The following STX7 variants were observed in gnomAD, a reference collection of about 807,000 sequenced individuals.
STX7 encodes syntaxin-7.
In STX7, 34 loss-of-function variants were observed where a neutral mutation model predicts 39.6. The ratio of observed to expected loss-of-function variants is 0.86; its 90% CI spans 0.65 to 1.14. The LOEUF is 1.14. Ranked by LOEUF, STX7 falls within the 50% of genes most tolerant of loss-of-function variation. The probability of loss-of-function intolerance (pLI) is 0.00; values close to 1 mark genes in which losing one functional copy is unlikely to be tolerated. For synonymous variants in STX7, 119 were observed against 99.1 expected, an observed-to-expected ratio of 1.20 and a Z score of -1.19; for missense variants, 284 against 310.4, an observed-to-expected ratio of 0.92 and a Z score of 0.64.
intron 9 of STX7, among the ~76,000 whole-genome samples, chr6:132,462,671 G>A (rs1009150897): frequency 5.9e-5 from 9 of 151,418 alleles, no homozygotes; most frequent in African/African-American, 2.2e-4. Flanking sequence ...CAGTGATATA[G>A]TGATATTAAT....
chr6:132,452,540 C>T lies in STX7; in HGVS notation c.*8218G>A, dbSNP rs1185930979. On this transcript the variant is annotated 3_prime_UTR_variant, in exon 10 of 10. Coordinates refer to ENST00000367941, the MANE Select transcript of STX7 (RefSeq NM_003569.3). ...AATGAGTAAGTGGGCTCAATAAGGT[C>T]TCAGTATACAAAATAGAAAAATTCA... 2.6e-5 allele frequency: 4 copies of T among 152,034 alleles called. No homozygotes were observed. The East Asian group carries it at 7.7e-4, about 29-fold the overall frequency. The allele number at this position is 152,034 out of a possible 1,614,324, so 9.4% of individuals were successfully genotyped here. A position where few individuals can be genotyped will look rare whatever the true frequency, so the allele number is the denominator to read the frequency against.
intron 5 of STX7, among the ~76,000 whole-genome samples, chr6:132,471,117 A>G (rs1774707655): frequency 1.3e-5 from 2 of 152,198 alleles, no homozygotes; most frequent in South Asian, 2.1e-4. Flanking sequence ...CCAGGAGGAA[A>G]GTGCTTTCTA....
intron 2 of STX7, among the ~76,000 whole-genome samples, chr6:132,487,451 G>A (rs1380677218): frequency 6.6e-6 from 1 of 152,070 alleles, no homozygotes; most frequent in Non-Finnish European, 1.5e-5. Flanking sequence ...CACAGGGAGG[G>A]GAACATCACA....
At position 132,449,417 on chromosome 6, in the gene STX7, C is replaced by T. The variant is rs1236892128; in HGVS notation, c.*11341G>A. On this transcript the variant is annotated 3_prime_UTR_variant, in exon 10 of 10. Coordinates refer to ENST00000367941, the MANE Select transcript of STX7 (RefSeq NM_003569.3). Reference sequence around the variant, plus strand: ...AAATGCTGTGATTACAGGCATAAGCCACCATACCAGGTCCCAGGCTTTTCT... The same window carrying T: ...AAATGCTGTGATTACAGGCATAAGCTACCATACCAGGTCCCAGGCTTTTCT... 6.6e-6 allele frequency: 1 copy of T among 152,164 alleles called. No homozygotes were observed. The highest frequency in any genetic ancestry group is 1.5e-5 in the Non-Finnish European group (1 of 68,034). 9.4% of individuals were successfully genotyped at this position (152,164 alleles called of 1,614,324 possible). A position where few individuals can be genotyped will look rare whatever the true frequency, so the allele number is the denominator to read the frequency against.
At chr6:132,492,355 ATT>A (rs1775312567) in intron 2 of STX7, among the ~76,000 whole-genome samples, 1 of 152,110 alleles carries the variant, frequency 6.6e-6, no homozygotes, top group Non-Finnish European at 1.5e-5. Flanking sequence ...TGTTTTTGTC[ATT>A]GTTTCTTTTT....
At chr6:132,486,178 C>A (rs953883762) in intron 2 of STX7, among the ~76,000 whole-genome samples, 10 of 151,766 alleles carry the variant, frequency 6.6e-5, no homozygotes, top group Non-Finnish European at 1.5e-4. Context: ...TCTTTTTTTC[C>A]TAATGTGAAG....
In STX7 at chr6:132,456,883, T is replaced by C. The variant is rs753707704; in HGVS notation, c.*3875A>G. 2 of 152,272 alleles carry C rather than the reference T, an allele frequency of 1.3e-5. No individual in the cohort carries two copies. The highest frequency in any genetic ancestry group is 2.9e-5 in the Non-Finnish European group (2 of 68,060). The allele number at this position is 152,272 out of a possible 1,614,324, so 9.4% of individuals were successfully genotyped here. A position where few individuals can be genotyped will look rare whatever the true frequency, so the allele number is the denominator to read the frequency against. On this transcript the variant is annotated 3_prime_UTR_variant, in exon 10 of 10. Coordinates refer to ENST00000367941, the MANE Select transcript of STX7 (RefSeq NM_003569.3). ...CTGGTTCTAAGTTGAGAGTTGACCATGAGAAAAGGAGAGACCATCTTTCCT... is the reference window on the plus strand; with the variant it reads ...CTGGTTCTAAGTTGAGAGTTGACCACGAGAAAAGGAGAGACCATCTTTCCT...
At chr6:132,506,618 A>AG (rs1775711404) in intron 1 of STX7, among the ~76,000 whole-genome samples, 2 of 152,200 alleles carry the variant, frequency 1.3e-5, no homozygotes, top group African/African-American at 4.8e-5. Context: ...CGGAAAAAAA[A>AG]GAAAAAAAGT....
chr6:132,483,523 AC>A (rs1212007303), intron 2 of STX7, among the ~76,000 whole-genome samples: 1 of 152,162 alleles, frequency 6.6e-6, no homozygotes, highest in Non-Finnish European at 1.5e-5. Context: ...TATGCTATTC[AC>A]CCATCATAGG....
At chr6:132,477,595 A>T (rs1774905401) in intron 2 of STX7, among the ~76,000 whole-genome samples, 2 of 152,186 alleles carry the variant, frequency 1.3e-5, no homozygotes. Context: ...AAATGTTTTT[A>T]TTATATGATC....
chr6:132,460,805 T>A lies in STX7; in HGVS notation c.739A>T (p.Ile247Phe). 6.2e-7 allele frequency: 1 copy of A among 1,613,662 alleles called. No individual in the cohort carries two copies. Among genetic ancestry groups the A allele is most frequent in the Non-Finnish European group, 8.5e-7 (1 of 1,179,794 alleles). ...TLCIIILILV[I>F]GVAIISLIIW... Reference sequence around the variant, plus strand: ...ATGAGACTGATAATCGCAACTCCAATGACAAGGATAAGAATGATGATGCAC... The same window carrying A: ...ATGAGACTGATAATCGCAACTCCAAAGACAAGGATAAGAATGATGATGCAC... Residue 247 changes from isoleucine to phenylalanine, a missense_variant, in exon 10 of 10, where the codon ATT becomes TTT. Ile to Phe is a conservative substitution (Grantham distance 21). Transcript: ENST00000367941.
rs991827654 is a variant in STX7, at chr6:132,456,737, A to G, written c.*4021T>C. ...GAGGCTTCCACTTCACGTGGTTTGA[A>G]CTGTACATCTCAGTGTTTGTTTCAC... On this transcript the variant is annotated 3_prime_UTR_variant, in exon 10 of 10. Coordinates refer to ENST00000367941, the MANE Select transcript of STX7 (RefSeq NM_003569.3). 1 of 152,228 alleles carries G rather than the reference A, an allele frequency of 6.6e-6. No individual in the cohort carries two copies. Among genetic ancestry groups the G allele is most frequent in the African/African-American group, 2.4e-5 (1 of 41,460 alleles). 9.4% of individuals were successfully genotyped at this position (152,228 alleles called of 1,614,324 possible).
In STX7 at chr6:132,500,736, T is replaced by C. The variant is rs17061355; in HGVS notation, c.85+2710A>G. Among the ~76,000 whole-genome samples, 1,156 of 152,338 alleles carry C rather than the reference T, an allele frequency of 7.6e-3. 21 individuals are homozygous for C. Among genetic ancestry groups the C allele is most frequent in the African/African-American group, 0.026 (1,061 of 41,580 alleles). On this transcript the variant is annotated intron_variant, in intron 2 of 9. Coordinates refer to ENST00000367941, the MANE Select transcript of STX7 (RefSeq NM_003569.3). ...ATTTGTTGAATGAATCACAATAGAA[T>C]ATCAAAATTAAAACCCTCTTAGTCT...
At chr6:132,494,586 A>G (rs1775376722) in intron 2 of STX7, among the ~76,000 whole-genome samples, 1 of 152,176 alleles carries the variant, frequency 6.6e-6, no homozygotes, top group Non-Finnish European at 1.5e-5. Context: ...GAAGCAGAAG[A>G]GGAGCAAGTG....
chr6:132,484,157 T>A (rs77522464), intron 2 of STX7, among the ~76,000 whole-genome samples: 3,557 of 152,322 alleles, frequency 0.023, 127 homozygotes, highest in African/African-American at 0.08. Context: ...TTTTGAACTA[T>A]CTGTACCACT....
intron 2 of STX7, among the ~76,000 whole-genome samples, chr6:132,494,992 T>C (rs903350899): frequency 1.1e-4 from 17 of 152,070 alleles, no homozygotes; most frequent in Admixed American, 2.0e-4. Flanking sequence ...ATCTGACCGG[T>C]AGAACCACTA....
chr6:132,471,574 G>T lies in STX7; in HGVS notation c.276C>A (p.Arg92=). ...EQRQRKIQKD[R]LVAEFTTSLT... ...GTGATGTTGTGAACTCTGCCACTAAGCGATCCTTCTGTATTTTCCTTTGAC... is the reference window on the plus strand; with the variant it reads ...GTGATGTTGTGAACTCTGCCACTAATCGATCCTTCTGTATTTTCCTTTGAC... The change falls in exon 5 of 10, where the codon CGC becomes CGA. Residue 92 remains arginine (R), a synonymous_variant. Transcript: ENST00000367941. 1 of 1,613,842 alleles carries T rather than the reference G, an allele frequency of 6.2e-7. No homozygotes were observed. The highest frequency in any genetic ancestry group is 8.5e-7 in the Non-Finnish European group (1 of 1,179,840).
rs1006072855 is a variant in STX7 at position 132,460,778 on chromosome 6, T to C, written c.766A>G (p.Ile256Val). 3 of 1,613,434 alleles carry C rather than the reference T, an allele frequency of 1.9e-6. No individual in the cohort carries two copies. The Admixed American group carries it at 5.0e-5, about 27-fold the overall frequency. Reference sequence around the variant, plus strand: ...TAACTTCAGTGGTTCAATCCCCATATGATGAGACTGATAATCGCAACTCCA... The same window carrying C: ...TAACTTCAGTGGTTCAATCCCCATACGATGAGACTGATAATCGCAACTCCA... Reference protein sequence around the residue: ...VIGVAIISLIIWGLNH With the variant: ...VIGVAIISLIVWGLNH Residue 256 changes from isoleucine to valine, a missense_variant, in exon 10 of 10, where the codon ATA (isoleucine) becomes GTA (valine). Coordinates refer to ENST00000367941, the MANE Select transcript of STX7 (RefSeq NM_003569.3).
rs368619021 is a variant in STX7 at position 132,468,502 on chromosome 6, A to C, written c.538-27T>G. ...TAAGAGAAAACGCATATATTATTATAATCAGAAATTCAGTCCCCATTCCAT... is the reference window on the plus strand; with the variant it reads ...TAAGAGAAAACGCATATATTATTATCATCAGAAATTCAGTCCCCATTCCAT... On this transcript the variant is annotated intron_variant, in intron 7 of 9. Transcript: ENST00000367941. The C allele has an allele frequency of 2.6e-6, 4 of 1,559,552 alleles. No homozygotes were observed. In the South Asian group the frequency reaches 3.5e-5, roughly 14 times the overall value.
Sources: gnomAD v4.1 joint callset for allele counts (sites outside exome capture counted in the v4.1 genomes callset) on GRCh38, gnomAD v4.1.1 for gene constraint, MANE v1.5 for transcripts, NCBI Gene and HGNC (gene_info 2026-07-23, HGNC 2026-07-21) for gene names.